TIMELESS: variants seen among roughly 807,000 people sequenced by gnomAD.
TIMELESS encodes the protein timeless circadian regulator.
Under a neutral mutation model 164.3 loss-of-function variants are expected in TIMELESS, and 124 were observed. The ratio of observed to expected loss-of-function variants is 0.75; its 90% CI spans 0.65 to 0.88. The LOEUF (loss-of-function observed/expected upper bound fraction) is 0.88, where lower values mean the gene tolerates loss of function less well. TIMELESS is among the 40% of genes least tolerant of loss of function. TIMELESS has a pLI of 0.00. For synonymous variants in TIMELESS, 564 were observed against 563.4 expected, an observed-to-expected ratio of 1.00 and a Z score of -0.02; for missense variants, 1,422 against 1,491.4, an observed-to-expected ratio of 0.95 and a Z score of 0.77.
chr12:56,421,351 C>G lies in TIMELESS; in HGVS notation c.2868G>C (p.Leu956Phe), dbSNP rs1455758432. The change falls in exon 23 of 29, where the codon TTG becomes TTC. Residue 956 changes from leucine (L) to phenylalanine (F), a missense_variant and splice_region_variant. Transcript: ENST00000553532. ...AGCAGAGCTAGGGTCAGATTGTTAC[C>G]AAGATGGAGGATGCCAACTTTTTCT... ...KRQKKLASSI[L>F]PNGAESLKDF... 6.2e-7 allele frequency: 1 copy of G among 1,613,282 alleles called. No homozygotes were observed. Among genetic ancestry groups the G allele is most frequent in the East Asian group, 2.2e-5 (1 of 44,898 alleles).
At position 56,433,851 on chromosome 12, in the gene TIMELESS, G is replaced by T; in HGVS notation, c.173C>A (p.Ala58Asp). Reference sequence around the variant, plus strand: ...CAGAAGGTCGCTCTGTAGGATCTGGGCTGCCCCCAGCTGCTGCCGCACATC... The same window carrying T: ...CAGAAGGTCGCTCTGTAGGATCTGGTCTGCCCCCAGCTGCTGCCGCACATC... ...TRDVRQQLGA[A>D]QILQSDLLPI... Residue 58 changes from alanine to aspartate, a missense_variant, in exon 3 of 29, where the codon GCC (alanine) becomes GAC (aspartate). Coordinates refer to ENST00000553532, the MANE Select transcript of TIMELESS (RefSeq NM_003920.5). The T allele has an allele frequency of 6.2e-7, 1 of 1,614,162 alleles. No individual in the cohort carries two copies. The highest frequency in any genetic ancestry group is 8.5e-7 in the Non-Finnish European group (1 of 1,180,044).
At chr12:56,420,730 G>C (rs1374572092) in intron 25 of TIMELESS, 43 bp from the exon 26 acceptor site, 2 of 1,612,906 alleles carry the variant, frequency 1.2e-6, no homozygotes, top group African/African-American at 2.7e-5. Flanking sequence ...TATAAGGGAA[G>C]AACTGGTTCT....
chr12:56,426,331 G>A (rs937828205), intron 13 of TIMELESS, among the ~76,000 whole-genome samples: 30 of 151,278 alleles, frequency 2.0e-4, no homozygotes, highest in Non-Finnish European at 4.3e-4. Context: ...GTCCAGTTAT[G>A]ACAGAATTTT....
intron 26 of TIMELESS, among the ~76,000 whole-genome samples, chr12:56,420,052 G>A (rs1369716119): frequency 2.8e-4 from 23 of 81,806 alleles, no homozygotes; most frequent in African/African-American, 9.1e-4. Context: ...ATATATATGT[G>A]TGTGTGTGTG....
chr12:56,425,019 G>T lies in TIMELESS; in HGVS notation c.1712C>A (p.Ala571Asp). Residue 571 changes from alanine (A) to aspartate (D), a missense_variant, in exon 14 of 29, where the codon GCC becomes GAC. Physicochemically the swap from Ala to Asp is moderately radical, Grantham distance 126 (BLOSUM62 -2). Transcript: ENST00000553532. Reference protein sequence around the residue: ...PALAEQLQCCAQNSELSMDSV... With the variant: ...PALAEQLQCCDQNSELSMDSV... The stretch of plus-strand genomic sequence containing the variant: ...AGGGTTTCTGTAACCACCTACCTGG[G>T]CACAGCACTGTAGCTGCTCAGCCAG... The T allele has an allele frequency of 6.2e-7, 1 of 1,614,164 alleles. No individual in the cohort carries two copies. Among genetic ancestry groups the T allele is most frequent in the Non-Finnish European group, 8.5e-7 (1 of 1,180,028 alleles).
At chr12:56,423,123 G>A (rs891455741) in intron 18 of TIMELESS, 131 bp from the exon 19 acceptor site, 1 of 1,403,358 alleles carries the variant, frequency 7.1e-7, no homozygotes, top group Non-Finnish European at 9.7e-7. Flanking sequence ...CCTTCTCCAT[G>A]CAGCTCCCTC....
Position 56,417,960 on chromosome 12 carries a change from C to T in TIMELESS, c.3503G>A (p.Arg1168Gln), listed in dbSNP as rs780603685. 9.3e-6 allele frequency: 15 copies of T among 1,614,066 alleles called. No individual in the cohort carries two copies. Among genetic ancestry groups the T allele is most frequent in the Admixed American group, 5.0e-5 (3 of 59,996 alleles). The change falls in exon 28 of 29, where the codon CGA becomes CAA. Residue 1168 changes from arginine to glutamine, a missense_variant. Arg to Gln is a conservative substitution (Grantham distance 43). Transcript: ENST00000553532. ...KEPLKAAPKK[R>Q]QLLDSDEEQE... The stretch of plus-strand genomic sequence containing the variant: ...TTCCTCGTCGCTGTCCAGCAATTGT[C>T]GTTTCTTGGGTGCTGCCTTCAGCGG...
chr12:56,445,768 C>G (rs889145289), intron 1 of TIMELESS, among the ~76,000 whole-genome samples: 1 of 152,022 alleles, frequency 6.6e-6, no homozygotes, highest in Non-Finnish European at 1.5e-5. Context: ...CACCTTAGCT[C>G]CATCTCACTT....
Position 56,419,459 on chromosome 12 carries a change from A to AGAGT in TIMELESS, c.3229-1101_3229-1100insACTC, listed in dbSNP as rs1555176392. 5.7e-3 allele frequency among the ~76,000 whole-genome samples: 840 copies of AGAGT among 148,050 alleles called. 10 individuals are homozygous for AGAGT. Among genetic ancestry groups the AGAGT allele is most frequent in the African/African-American group, 0.02 (795 of 40,158 alleles). ...AGAGGTCCATCAGTAAGACAGATGG[A>AGAGT]GTGTGTGTGTGTGTGTGTGTGTGTG... On this transcript the variant is annotated intron_variant, in intron 26 of 28. Transcript: ENST00000553532.
At chr12:56,448,974 C>G (rs1868459671) in intron 1 of TIMELESS, among the ~76,000 whole-genome samples, 1 of 152,164 alleles carries the variant, frequency 6.6e-6, no homozygotes, top group South Asian at 2.1e-4. Flanking sequence ...GAGGTCTCAA[C>G]TAGATGCTAA....
Position 56,417,955 on chromosome 12 carries a change from A to G in TIMELESS, c.3508T>C (p.Leu1170=). 6.2e-7 allele frequency: 1 copy of G among 1,614,128 alleles called. No individual in the cohort carries two copies. The highest frequency in any genetic ancestry group is 8.5e-7 in the Non-Finnish European group (1 of 1,180,022). ...TCCTGTTCCTCGTCGCTGTCCAGCA[A>G]TTGTCGTTTCTTGGGTGCTGCCTTC... The part of the protein sequence containing the change: ...PLKAAPKKRQ[L]LDSDEEQEED... Residue 1170 remains leucine, a synonymous_variant, in exon 28 of 29, where the codon TTG becomes CTG. Transcript: ENST00000553532.
intron 17 of TIMELESS, 50 bp from the exon 18 acceptor site, chr12:56,423,525 T>G: frequency 6.2e-7 from 1 of 1,612,958 alleles, no homozygotes; most frequent in South Asian, 1.1e-5. Context: ...AAGACATAGC[T>G]CATCCTCACA....
Position 56,432,404 on chromosome 12 carries a change from C to T in TIMELESS, c.652G>A (p.Val218Met), listed in dbSNP as rs376985941. 2.5e-6 allele frequency: 4 copies of T among 1,614,054 alleles called. No individual in the cohort carries two copies. The African/African-American group carries it at 4.0e-5, about 16-fold the overall frequency. ...AACATAAGGGAGACAATCTCTAGCA[C>T]ATGTAGGCTCCATTGCTCCTCAGCA... ...SSAEEQWSLH[V>M]LEIVSLMFRD... Residue 218 changes from valine (V) to methionine (M), a missense_variant, in exon 7 of 29, where the codon GTG (valine) becomes ATG (methionine). By Grantham distance (21) the Val-to-Met change is conservative. Coordinates refer to ENST00000553532, the MANE Select transcript of TIMELESS (RefSeq NM_003920.5).
At chr12:56,444,948 A>C (rs1338618419) in intron 1 of TIMELESS, among the ~76,000 whole-genome samples, 3 of 151,210 alleles carry the variant, frequency 2.0e-5, no homozygotes, top group African/African-American at 7.3e-5. Context: ...TGAGCTATTG[A>C]GTTGACAATC....
chr12:56,432,141 T>C (rs1881907213), intron 7 of TIMELESS, among the ~76,000 whole-genome samples: 1 of 152,174 alleles, frequency 6.6e-6, no homozygotes, highest in African/African-American at 2.4e-5. Flanking sequence ...AAAATGTTTA[T>C]TTCTGAAATT....
chr12:56,425,141 CTT>C lies in TIMELESS; in HGVS notation c.1588_1589del (p.Lys530GlufsTer18), dbSNP rs745470465. On this transcript the variant is annotated frameshift_variant, in exon 14 of 29. Coordinates refer to ENST00000553532, the MANE Select transcript of TIMELESS (RefSeq NM_003920.5). LOFTEE classifies it high-confidence loss of function. ...CCTTCTTCTTCTTCTTCCTTCTCTT[CTT>C]TTGTTTGTTCTGTGGGGAAAGAATT... ...RGNLVVQNKQ[K>X]KRRKKKKKVL... is the part of the protein sequence containing the mutation. 1 of 1,613,234 alleles carries C rather than the reference CTT, an allele frequency of 6.2e-7. No individual in the cohort carries two copies. Among genetic ancestry groups the C allele is most frequent in the Non-Finnish European group, 8.5e-7 (1 of 1,179,912 alleles).
intron 9 of TIMELESS, 42 bp from the exon 10 acceptor site, chr12:56,430,323 C>T: frequency 6.4e-7 from 1 of 1,560,958 alleles, no homozygotes; most frequent in African/African-American, 1.4e-5. Flanking sequence ...TCCTAAATAC[C>T]ACTTTCCCCT....
intron 1 of TIMELESS, among the ~76,000 whole-genome samples, chr12:56,439,445 T>C (rs562050321): frequency 1.5e-4 from 23 of 151,922 alleles, no homozygotes; most frequent in Non-Finnish European, 2.5e-4. Flanking sequence ...CCAGCCCAGG[T>C]TGGAGTACAG....
chr12:56,431,062 A>G (rs1881860105), intron 8 of TIMELESS, 94 bp from the exon 9 acceptor site: 1 of 914,116 alleles, frequency 1.1e-6, no homozygotes. Flanking sequence ...AGTTAAAACT[A>G]CAAAATGTTG....
Sources: allele counts gnomAD v4.1 joint callset (sites outside exome capture counted in the v4.1 genomes callset), GRCh38; gene constraint gnomAD v4.1.1; transcripts MANE v1.5; gene names NCBI Gene and HGNC (gene_info 2026-07-23, HGNC 2026-07-21).